Variants in TRIM52 observed in about 807,000 individuals in gnomAD.
TRIM52 encodes the protein E3 ubiquitin-protein ligase TRIM52.
Under a neutral mutation model 27.0 loss-of-function variants are expected in TRIM52, and 24 were observed. That is an observed-to-expected ratio of 0.89 (90% CI 0.64 to 1.25). The LOEUF is 1.25. TRIM52 is among the 50% of genes most tolerant of loss of function. The pLI is 0.00. For synonymous variants in TRIM52, 125 were observed against 126.5 expected (o/e 0.99, Z 0.08); for missense variants, 351 against 354.7 (o/e 0.99, Z 0.08).
downstream of TRIM52, among the ~76,000 whole-genome samples, chr5:181,253,852 C>T (rs1230846149): frequency 7.0e-6 from 1 of 142,304 alleles, no homozygotes; most frequent in Non-Finnish European, 1.5e-5. Context: ...AAATTAGCTG[C>T]ACTATAGTCC....
chr5:181,249,569 AG>A (rs1488005806), downstream of TRIM52, among the ~76,000 whole-genome samples: 21 of 152,002 alleles, frequency 1.4e-4, no homozygotes, highest in East Asian at 2.5e-3. Flanking sequence ...CCAGCTACTT[AG>A]GAGGCTGATG....
downstream of TRIM52, among the ~76,000 whole-genome samples, chr5:181,251,500 C>A (rs1260575016): frequency 6.6e-6 from 1 of 152,160 alleles, no homozygotes; most frequent in Non-Finnish European, 1.5e-5. Context: ...ATTTCTAATT[C>A]AAATCCCCGA....
rs770916440 is a variant in TRIM52, at chr5:181,260,642, CG to C, written c.171del (p.Asn57LysfsTer55). Reference sequence around the variant, plus strand: ...TCCTCCTCCCATTCATCTTCCTCCTCGTTCTGGTCCTCCTCGTCCTCCTTAC... The same window carrying C: ...TCCTCCTCCCATTCATCTTCCTCCTCTTCTGGTCCTCCTCGTCCTCCTTAC... ...LWSKEDEEDQ[N>X]EEEDEWEEEE... On this transcript the variant is annotated frameshift_variant, in exon 1 of 2. Coordinates refer to ENST00000688015, the MANE Select transcript of TRIM52 (RefSeq NM_001346048.2). LOFTEE classifies it high-confidence loss of function. This position sits in a 1 kb window ranked among gnomAD's most constrained non-coding sequence, Gnocchi z 4.4. 1 of 1,614,072 alleles carries C rather than the reference CG, an allele frequency of 6.2e-7. No individual in the cohort carries two copies. Among genetic ancestry groups the C allele is most frequent in the Non-Finnish European group, 8.5e-7 (1 of 1,180,014 alleles).
In TRIM52 at chr5:181,256,770, GT is replaced by G. The variant is rs1349841980; in HGVS notation, c.*38del. ...ATCGGGCTTTGCAGAACACTCCACT[GT>G]TTTTAATGGCATGAATTTAACAGTG... is the stretch of plus-strand genomic sequence containing the variant. On this transcript the variant is annotated 3_prime_UTR_variant, in exon 2 of 2. Coordinates refer to ENST00000688015, the MANE Select transcript of TRIM52 (RefSeq NM_001346048.2). 1.0e-6 allele frequency: 1 copy of G among 979,052 alleles called. No homozygotes were observed. The highest frequency in any genetic ancestry group is 1.1e-4 in the East Asian group (1 of 8,802). 60.6% of individuals were successfully genotyped at this position (979,052 alleles called of 1,614,324 possible). A position where few individuals can be genotyped will look rare whatever the true frequency, so the allele number is the denominator to read the frequency against.
At position 181,260,226 on chromosome 5, in the gene TRIM52, AC is replaced by A; in HGVS notation, c.587del (p.Arg196LeufsTer12). On this transcript the variant is annotated frameshift_variant, in exon 1 of 2. Coordinates refer to ENST00000688015, the MANE Select transcript of TRIM52 (RefSeq NM_001346048.2). LOFTEE classifies it high-confidence loss of function. The surrounding 1 kb of genome is among the most constrained non-coding windows in gnomAD (Gnocchi z 4.4). ...CRKSFTRRSF[R>X]PNLQLANMVQ... Reference sequence around the variant, plus strand: ...CCATGTTGGCCAGCTGCAAGTTGGGACGAAAGCTGCGACGTGTAAAGCTCTT... The same window carrying A: ...CCATGTTGGCCAGCTGCAAGTTGGGAGAAAGCTGCGACGTGTAAAGCTCTT... 2 of 1,614,188 alleles carry A rather than the reference AC, an allele frequency of 1.2e-6. No homozygotes were observed. The highest frequency in any genetic ancestry group is 1.7e-6 in the Non-Finnish European group (2 of 1,180,026).
chr5:181,259,027 T>C (rs1305951177), intron 1 of TRIM52: 1 of 152,242 alleles, frequency 6.6e-6, no homozygotes, highest in Non-Finnish European at 1.5e-5. Context: ...GTTTGGGCAC[T>C]GCTAGGAGTC....
At chr5:181,254,815 T>A (rs761937483), downstream of TRIM52, 4 of 152,262 alleles carry the variant, frequency 2.6e-5, no homozygotes, top group Non-Finnish European at 5.9e-5. Flanking sequence ...AGGGCAGGTG[T>A]AATTGGAGTG....
chr5:181,259,984 T>TC lies in TRIM52; in HGVS notation c.813+16dup. The stretch of plus-strand genomic sequence containing the variant: ...TTCCACTCCCTTCATCCCCCCACAT[T>TC]CCCTCATTTCTCTCACCTGGTACTC... On this transcript the variant is annotated intron_variant, in intron 1 of 1. Coordinates refer to ENST00000688015, the MANE Select transcript of TRIM52 (RefSeq NM_001346048.2). 2 of 1,612,982 alleles carry TC rather than the reference T, an allele frequency of 1.2e-6. No homozygotes were observed. Among genetic ancestry groups the TC allele is most frequent in the Non-Finnish European group, 1.7e-6 (2 of 1,179,978 alleles).
Position 181,261,012 on chromosome 5 carries a change from G to T in TRIM52, c.-199C>A. 1.4e-6 allele frequency: 1 copy of T among 713,658 alleles called. No homozygotes were observed. The highest frequency in any genetic ancestry group is 2.2e-6 in the Non-Finnish European group (1 of 449,192). 44.2% of individuals were successfully genotyped at this position (713,658 alleles called of 1,614,324 possible). On this transcript the variant is annotated 5_prime_UTR_variant, in exon 1 of 2. Coordinates refer to ENST00000688015, the MANE Select transcript of TRIM52 (RefSeq NM_001346048.2). ...ATCCAGACTCACAGCCTCTCTCTGGGATCGGTGGGGACAGAGCAGGCTGCA... is the reference window on the plus strand; with the variant it reads ...ATCCAGACTCACAGCCTCTCTCTGGTATCGGTGGGGACAGAGCAGGCTGCA...
chr5:181,252,901 C>T (rs897763582), downstream of TRIM52, among the ~76,000 whole-genome samples: 16 of 152,162 alleles, frequency 1.1e-4, no homozygotes, highest in East Asian at 3.8e-4. Context: ...TTATCTGTCA[C>T]GGTTCTTGTT....
chr5:181,255,469 A>G lies in TRIM52; in HGVS notation c.*1340T>C, dbSNP rs71613497. 2 of 152,210 alleles carry G rather than the reference A, an allele frequency of 1.3e-5. No individual in the cohort carries two copies. The highest frequency in any genetic ancestry group is 4.8e-5 in the African/African-American group (2 of 41,454). The allele number at this position is 152,210 out of a possible 1,614,324, so 9.4% of individuals were successfully genotyped here. A position where few individuals can be genotyped will look rare whatever the true frequency, so the allele number is the denominator to read the frequency against. The stretch of plus-strand genomic sequence containing the variant: ...CTTTGAGTTTCACAAACTCCTCTTG[A>G]AGCTCTTCCAGTGAGGCCTGCACAT... On this transcript the variant is annotated 3_prime_UTR_variant, in exon 2 of 2. Transcript: ENST00000688015.
In TRIM52 at chr5:181,260,196, C is replaced by G; in HGVS notation, c.618G>C (p.Gln206His). The change falls in exon 1 of 2, where the codon CAG becomes CAC. Residue 206 changes from glutamine (Q) to histidine (H), a missense_variant. Transcript: ENST00000688015. This position sits in a 1 kb window ranked among gnomAD's most constrained non-coding sequence, Gnocchi z 4.4. ...RPNLQLANMV[Q>H]IIRQMCPTPY... ...GAGTGGGGCACATCTGGCGAATTAT[C>G]TGGACCATGTTGGCCAGCTGCAAGT... The G allele has an allele frequency of 6.2e-7, 1 of 1,614,240 alleles. No individual in the cohort carries two copies. The highest frequency in any genetic ancestry group is 8.5e-7 in the Non-Finnish European group (1 of 1,180,044).
downstream of TRIM52, chr5:181,254,273 G>C (rs1193214528): frequency 7.2e-6 from 1 of 137,980 alleles, no homozygotes; most frequent in Non-Finnish European, 1.5e-5. Flanking sequence ...CTGGGCAACA[G>C]AGCGAGACTC....
At chr5:181,259,904 T>C in intron 1 of TRIM52, 97 bp downstream of exon 1, 1 of 1,594,808 alleles carries the variant, frequency 6.3e-7, no homozygotes, top group Non-Finnish European at 8.5e-7. Flanking sequence ...AGCAACTAAG[T>C]ACCTGAGGAG....
chr5:181,250,584 C>T (rs1401349642), downstream of TRIM52, among the ~76,000 whole-genome samples: 1 of 152,080 alleles, frequency 6.6e-6, no homozygotes, highest in Non-Finnish European at 1.5e-5. Context: ...AGCTTCTAGC[C>T]TCCTTGTCAA....
chr5:181,251,316 C>T (rs889981446), downstream of TRIM52, among the ~76,000 whole-genome samples: 7 of 151,492 alleles, frequency 4.6e-5, no homozygotes, highest in East Asian at 3.9e-4. Context: ...AAAGATGAGA[C>T]GAGAAAGCTA....
downstream of TRIM52, among the ~76,000 whole-genome samples, chr5:181,249,827 G>GTTT (rs1237894738): frequency 6.7e-3 from 860 of 128,436 alleles, 35 homozygotes; most frequent in African/African-American, 0.025. Flanking sequence ...ATCACTTGCA[G>GTTT]TTTTTTTTTT....
chr5:181,259,697 T>C, intron 1 of TRIM52: 1 of 469,626 alleles, frequency 2.1e-6, no homozygotes, highest in Non-Finnish European at 3.9e-6. Flanking sequence ...ACTGGGTATC[T>C]GTTACTCACG....
In TRIM52 at chr5:181,261,060, C is replaced by T; in HGVS notation, c.-247G>A. On this transcript the variant is annotated 5_prime_UTR_variant, in exon 1 of 2. Coordinates refer to ENST00000688015, the MANE Select transcript of TRIM52 (RefSeq NM_001346048.2). ...GCAGCCCCCAGCTGCTCGGTCCTGTCACGTCTCTCGCTACCCTCAGGGTGT... is the reference window on the plus strand; with the variant it reads ...GCAGCCCCCAGCTGCTCGGTCCTGTTACGTCTCTCGCTACCCTCAGGGTGT... 1.9e-6 allele frequency: 1 copy of T among 516,674 alleles called. No individual in the cohort carries two copies. Among genetic ancestry groups the T allele is most frequent in the Non-Finnish European group, 3.4e-6 (1 of 294,942 alleles). 32.0% of individuals were successfully genotyped at this position (516,674 alleles called of 1,614,324 possible). A position where few individuals can be genotyped will look rare whatever the true frequency, so the allele number is the denominator to read the frequency against.
Sources: gnomAD v4.1 joint callset for allele counts (sites outside exome capture counted in the v4.1 genomes callset) on GRCh38, gnomAD v4.1.1 for gene constraint, Gnocchi (gnomAD v3.1) non-coding constraint, MANE v1.5 for transcripts, NCBI Gene and HGNC (gene_info 2026-07-23, HGNC 2026-07-21) for gene names.